Variants in CD28 observed in about 807,000 individuals in gnomAD.
CD28 encodes the protein CD28 molecule, also known as T-cell-specific surface glycoprotein CD28.
A neutral mutation model predicts 21.4 loss-of-function variants in CD28; 8 were observed. The ratio of observed to expected loss-of-function variants is 0.37; its 90% CI spans 0.22 to 0.68. The LOEUF (loss-of-function observed/expected upper bound fraction) is 0.68, where lower values mean the gene tolerates loss of function less well. CD28 is among the 30% of genes least tolerant of loss of function. CD28 has a pLI of 0.55. For synonymous variants in CD28, 106 were observed against 104.0 expected, an observed-to-expected ratio of 1.02 and a Z score of -0.12; for missense variants, 239 against 272.2, an observed-to-expected ratio of 0.88 and a Z score of 0.86.
chr2:203,729,612 C>T, intron 2 of CD28, 36 bp from the exon 3 acceptor site: 1 of 1,599,254 alleles, frequency 6.3e-7, no homozygotes, highest in Non-Finnish European at 8.5e-7. Context: ...AATTGCTATT[C>T]CTGTATCATT....
In CD28 at chr2:203,706,767, T is replaced by C. The variant is rs1255102740; in HGVS notation, c.52+19T>C. The C allele has an allele frequency of 6.4e-7, 1 of 1,556,606 alleles. No individual in the cohort carries two copies. The highest frequency in any genetic ancestry group is 8.9e-7 in the Non-Finnish European group (1 of 1,128,196). ...GTAACAGGTAAACAATGTTAATGTC[T>C]TTCTTTCTGTAAATATTTTTTGAGG... On this transcript the variant is annotated intron_variant, in intron 1 of 3. Coordinates refer to ENST00000324106, the MANE Select transcript of CD28 (RefSeq NM_006139.4).
chr2:203,713,249 G>A (rs1156795321), intron 1 of CD28, among the ~76,000 whole-genome samples: 1 of 152,188 alleles, frequency 6.6e-6, no homozygotes, highest in Non-Finnish European at 1.5e-5. Flanking sequence ...TGAAGTAATG[G>A]CCTGGGTAAG....
In CD28 at chr2:203,726,615, G is replaced by A; in HGVS notation, c.53-18G>A. 1.9e-6 allele frequency: 3 copies of A among 1,564,254 alleles called. No homozygotes were observed. The highest frequency in any genetic ancestry group is 2.3e-5 in the South Asian group (2 of 88,010). On this transcript the variant is annotated intron_variant, in intron 1 of 3. Coordinates refer to ENST00000324106, the MANE Select transcript of CD28 (RefSeq NM_006139.4). ...CCTTATATTCTTGTTCTAAGCAAATGATTTTTTTTTCCCCCAGGAAACAAG... is the reference window on the plus strand; with the variant it reads ...CCTTATATTCTTGTTCTAAGCAAATAATTTTTTTTTCCCCCAGGAAACAAG...
At position 203,729,685 on chromosome 2, in the gene CD28, T is replaced by A; in HGVS notation, c.447T>A (p.Pro149=). 1 of 1,614,138 alleles carries A rather than the reference T, an allele frequency of 6.2e-7. No individual in the cohort carries two copies. The highest frequency in any genetic ancestry group is 1.1e-5 in the South Asian group (1 of 91,082). The change falls in exon 3 of 4, where the codon CCT becomes CCA. Residue 149 remains proline (P), a synonymous_variant. Coordinates refer to ENST00000324106, the MANE Select transcript of CD28 (RefSeq NM_006139.4). The part of the protein sequence containing the change: ...HLCPSPLFPG[P]SKPFWVLVVV... Reference sequence around the variant, plus strand: ...GTCCAAGTCCCCTATTTCCCGGACCTTCTAAGCCCTTTTGGGTGCTGGTGG... The same window carrying A: ...GTCCAAGTCCCCTATTTCCCGGACCATCTAAGCCCTTTTGGGTGCTGGTGG...
Position 203,706,737 on chromosome 2 carries a change from T to C in CD28, c.41T>C (p.Ile14Thr). The change falls in exon 1 of 4, where the codon ATT (isoleucine) becomes ACT (threonine). Residue 14 changes from isoleucine to threonine, a missense_variant. Physicochemically the swap from Ile to Thr is moderately conservative, Grantham distance 89 (BLOSUM62 -1). Around this residue, in one of 3 missense-constraint regions of CD28, gnomAD observed 104 missense variants for 108.5 expected, o/e 0.96. Coordinates refer to ENST00000324106, the MANE Select transcript of CD28 (RefSeq NM_006139.4). ...LLLALNLFPS[I>T]QVTGNKILVK... ...TTGGCTCTCAACTTATTCCCTTCAATTCAAGTAACAGGTAAACAATGTTAA... is the reference window on the plus strand; with the variant it reads ...TTGGCTCTCAACTTATTCCCTTCAACTCAAGTAACAGGTAAACAATGTTAA... 1 of 1,611,920 alleles carries C rather than the reference T, an allele frequency of 6.2e-7. No individual in the cohort carries two copies. Among genetic ancestry groups the C allele is most frequent in the Non-Finnish European group, 8.5e-7 (1 of 1,177,984 alleles).
intron 1 of CD28, among the ~76,000 whole-genome samples, chr2:203,715,321 G>T (rs1693436256): frequency 6.6e-6 from 1 of 152,150 alleles, no homozygotes; most frequent in African/African-American, 2.4e-5. Context: ...AGAATAGTGA[G>T]ATTTGATTTT....
At chr2:203,719,848 G>A (rs144739754) in intron 1 of CD28, among the ~76,000 whole-genome samples, 1 of 152,168 alleles carries the variant, frequency 6.6e-6, no homozygotes, top group Non-Finnish European at 1.5e-5. Flanking sequence ...AACTGAGCTG[G>A]TGGGAGGGTC....
At chr2:203,717,922 T>C (rs116240393) in intron 1 of CD28, among the ~76,000 whole-genome samples, 1,527 of 152,316 alleles carry the variant, frequency 0.01, 26 homozygotes, top group African/African-American at 0.035. Flanking sequence ...GAAAACTAGA[T>C]GAAATGACCA....
At chr2:203,725,885 T>A (rs1185236513) in intron 1 of CD28, among the ~76,000 whole-genome samples, 1 of 152,220 alleles carries the variant, frequency 6.6e-6, no homozygotes, top group Non-Finnish European at 1.5e-5. Context: ...TTAATTCCTT[T>A]ACAAAAACCT....
intron 1 of CD28, among the ~76,000 whole-genome samples, chr2:203,713,834 TGA>T (rs879623291): frequency 1.5e-5 from 2 of 129,744 alleles, no homozygotes; most frequent in Admixed American, 8.1e-5. Context: ...GTGCTGGACC[TGA>T]GAGAGAGAGA....
At position 203,711,069 on chromosome 2, in the gene CD28, G is replaced by A. The variant is rs548470384; in HGVS notation, c.52+4321G>A. 2.1e-3 allele frequency among the ~76,000 whole-genome samples: 323 copies of A among 152,162 alleles called. 1 individual carries two copies. Among genetic ancestry groups the A allele is most frequent in the African/African-American group, 7.1e-3 (293 of 41,508 alleles). ...GTTAAGATATCTGTGTCTCTTTTAC[G>A]GTGATTTATTTGGCCGTTTTTGGCC... On this transcript the variant is annotated intron_variant, in intron 1 of 3. Transcript: ENST00000324106.
At chr2:203,728,275 A>T (rs987884861) in intron 2 of CD28, among the ~76,000 whole-genome samples, 1 of 152,236 alleles carries the variant, frequency 6.6e-6, no homozygotes, top group Non-Finnish European at 1.5e-5. Flanking sequence ...AGTGAAAATA[A>T]GTCTACTGAA....
intron 1 of CD28, among the ~76,000 whole-genome samples, chr2:203,724,770 A>C (rs1390968899): frequency 6.6e-6 from 1 of 152,102 alleles, no homozygotes; most frequent in African/African-American, 2.4e-5. Flanking sequence ...AAAACAAAAC[A>C]CCTGTGTATA....
chr2:203,730,348 C>T (rs567365534), intron 3 of CD28, among the ~76,000 whole-genome samples: 2 of 152,322 alleles, frequency 1.3e-5, no homozygotes, highest in South Asian at 4.1e-4. Flanking sequence ...TCTGAGCTCT[C>T]ACCACTGAAT....
intron 3 of CD28, among the ~76,000 whole-genome samples, chr2:203,731,094 C>T (rs1041603589): frequency 1.3e-5 from 2 of 152,030 alleles, no homozygotes; most frequent in East Asian, 1.9e-4. Context: ...CTGTACTTGC[C>T]GCAGGGTAGG....
intron 1 of CD28, among the ~76,000 whole-genome samples, chr2:203,722,303 A>G (rs760126575): frequency 4.6e-5 from 7 of 152,178 alleles, no homozygotes; most frequent in Non-Finnish European, 1.0e-4. Flanking sequence ...CCTTCTAAGT[A>G]AAAAAAGGAA....
chr2:203,708,049 T>C (rs1693208867), intron 1 of CD28, among the ~76,000 whole-genome samples: 1 of 152,214 alleles, frequency 6.6e-6, no homozygotes, highest in African/African-American at 2.4e-5. Context: ...TATTTTTCCC[T>C]GAAAGATACA....
intron 1 of CD28, among the ~76,000 whole-genome samples, chr2:203,714,094 T>C (rs191378556): frequency 1.3e-4 from 19 of 151,864 alleles, no homozygotes; most frequent in Non-Finnish European, 2.4e-4. Flanking sequence ...AGAAGAGACT[T>C]ATAGGGGTAG....
At position 203,737,190 on chromosome 2, in the gene CD28, C is replaced by T. The variant is rs974629482; in HGVS notation, c.*2278C>T. Reference sequence around the variant, plus strand: ...GAGTAGGAATCTTGAGATTCCAGATCGAAAATACTGTACTTTGGTTGATTT... The same window carrying T: ...GAGTAGGAATCTTGAGATTCCAGATTGAAAATACTGTACTTTGGTTGATTT... On this transcript the variant is annotated 3_prime_UTR_variant, in exon 4 of 4. Coordinates refer to ENST00000324106, the MANE Select transcript of CD28 (RefSeq NM_006139.4). 2.6e-5 allele frequency: 4 copies of T among 151,898 alleles called. No individual in the cohort carries two copies. Among genetic ancestry groups the T allele is most frequent in the South Asian group, 2.1e-4 (1 of 4,806 alleles). The allele number at this position is 151,898 out of a possible 1,614,324, so 9.4% of individuals were successfully genotyped here.
Sources: gnomAD v4.1 joint callset for allele counts (sites outside exome capture counted in the v4.1 genomes callset) on GRCh38, gnomAD v4.1.1 for gene constraint, gnomAD v4.1.1 regional missense constraint, MANE v1.5 for transcripts, NCBI Gene and HGNC (gene_info 2026-07-23, HGNC 2026-07-21) for gene names.